The following NRG3 variants were observed in gnomAD, a reference collection of about 807,000 sequenced individuals.
NRG3 encodes neuregulin 3.
Under a neutral mutation model 66.9 loss-of-function variants are expected in NRG3, and 31 were observed. The observed-to-expected ratio is 0.46, with a 90% CI of 0.35 to 0.63. The LOEUF is 0.63. Ranked by LOEUF, NRG3 falls within the 20% of genes least tolerant of loss-of-function variation. The pLI is 0.00. For synonymous variants in NRG3, 393 were observed against 359.4 expected, an observed-to-expected ratio of 1.09 and a Z score of -1.06; for missense variants, 910 against 878.9, an observed-to-expected ratio of 1.04 and a Z score of -0.45.
intron 3 of NRG3, among the ~76,000 whole-genome samples, chr10:82,781,724 A>G (rs1045842014): frequency 1.1e-4 from 17 of 152,192 alleles, no homozygotes; most frequent in African/African-American, 3.9e-4. Context: ...AACTTTCTCC[A>G]TATTTGAACT....
At chr10:82,467,119 T>A (rs1840762149) in intron 2 of NRG3, among the ~76,000 whole-genome samples, 1 of 152,156 alleles carries the variant, frequency 6.6e-6, no homozygotes, top group African/African-American at 2.4e-5. Flanking sequence ...TGAGACAGCA[T>A]GTGAAGGAGC....
At chr10:82,978,730 G>A (rs1292227824) in intron 7 of NRG3, among the ~76,000 whole-genome samples, 4 of 152,176 alleles carry the variant, frequency 2.6e-5, no homozygotes, top group Admixed American at 6.5e-5. Context: ...CAGAAATCCA[G>A]GAACTTCCCT....
At chr10:82,964,791 C>A (rs1330157113) in intron 6 of NRG3, among the ~76,000 whole-genome samples, 4 of 152,166 alleles carry the variant, frequency 2.6e-5, no homozygotes, top group African/African-American at 7.2e-5. Flanking sequence ...CCAGACCAGG[C>A]GATTATCAGC....
chr10:82,845,887 G>C (rs368787281), intron 3 of NRG3, among the ~76,000 whole-genome samples: 2 of 152,136 alleles, frequency 1.3e-5, no homozygotes, highest in South Asian at 4.1e-4. Context: ...AGCACACTGA[G>C]AAGTGAGTAG....
At chr10:82,278,042 AG>A (rs2078940334) in intron 1 of NRG3, among the ~76,000 whole-genome samples, 1 of 152,098 alleles carries the variant, frequency 6.6e-6, no homozygotes, top group Non-Finnish European at 1.5e-5. Flanking sequence ...CCAAAGAAGG[AG>A]GAGGTGGAAT....
intron 2 of NRG3, among the ~76,000 whole-genome samples, chr10:82,593,850 A>G (rs542548767): frequency 6.6e-6 from 1 of 151,942 alleles, no homozygotes; most frequent in South Asian, 2.1e-4. Context: ...ATATGTGTAT[A>G]TATATAGTTC....
chr10:82,360,983 C>T (rs74147915), intron 2 of NRG3, among the ~76,000 whole-genome samples: 9,060 of 152,102 alleles, frequency 0.06, 426 homozygotes, highest in East Asian at 0.22. Context: ...TCCTCATTAC[C>T]TTATTTTAAC....
chr10:82,284,776 A>T (rs978459910), intron 1 of NRG3, among the ~76,000 whole-genome samples: 1 of 152,028 alleles, frequency 6.6e-6, no homozygotes, highest in Non-Finnish European at 1.5e-5. Context: ...TCACCTTAGG[A>T]TGTTTTGTAA....
At chr10:82,246,767 G>T (rs1233941723) in intron 1 of NRG3, among the ~76,000 whole-genome samples, 1 of 151,480 alleles carries the variant, frequency 6.6e-6, no homozygotes, top group South Asian at 2.1e-4. Context: ...TTTAGAAGGA[G>T]TTTTTTTTTC....
intron 3 of NRG3, among the ~76,000 whole-genome samples, chr10:82,817,997 A>G (rs2061785960): frequency 6.6e-6 from 1 of 152,220 alleles, no homozygotes; most frequent in Non-Finnish European, 1.5e-5. Flanking sequence ...CTTAAGCAGC[A>G]GTGTTTATGC....
At chr10:82,481,750 C>T (rs571417275) in intron 2 of NRG3, among the ~76,000 whole-genome samples, 3 of 152,042 alleles carry the variant, frequency 2.0e-5, no homozygotes, top group Admixed American at 6.6e-5. Flanking sequence ...TTTGGGAGGC[C>T]GAGGCAGGCG....
At chr10:82,744,197 G>A (rs1358583284) in intron 3 of NRG3, among the ~76,000 whole-genome samples, 1 of 152,172 alleles carries the variant, frequency 6.6e-6, no homozygotes, top group African/African-American at 2.4e-5. Flanking sequence ...TTAAGCATAT[G>A]TAACATATAC....
rs1554859740 is a variant in NRG3, at chr10:82,245,983, T to TTTTTG, written c.824-112752_824-112751insGTTTT. Reference sequence around the variant, plus strand: ...GATTTTTTCCCAGTCTTCTGGTTTTTTTTTTTTTTTTTTTTTTTAACTCAA... The same window carrying TTTTTG: ...GATTTTTTCCCAGTCTTCTGGTTTTTTTTTGTTTTTTTTTTTTTTTTTTAACTCAA... On this transcript the variant is annotated intron_variant, in intron 1 of 8. Transcript: ENST00000372141. Among the ~76,000 whole-genome samples, 999 of 144,644 alleles carry TTTTTG rather than the reference T, an allele frequency of 6.9e-3. 15 individuals are homozygous for TTTTTG. Among genetic ancestry groups the TTTTTG allele is most frequent in the African/African-American group, 0.023 (894 of 39,030 alleles). The allele number at this position is 144,644 out of a possible 152,430, so 94.9% of individuals were successfully genotyped here.
chr10:82,011,710 C>G (rs2061583291), intron 1 of NRG3, among the ~76,000 whole-genome samples: 1 of 152,180 alleles, frequency 6.6e-6, no homozygotes, highest in South Asian at 2.1e-4. Flanking sequence ...AGTCCCCATG[C>G]AAGTCTGAAA....
intron 1 of NRG3, among the ~76,000 whole-genome samples, chr10:82,260,730 T>C (rs11193235): frequency 0.42 from 63,530 of 151,896 alleles, 14,862 homozygotes; most frequent in African/African-American, 0.64. Flanking sequence ...AAAAAGGTAG[T>C]CTAAGCTGAG....
intron 3 of NRG3, among the ~76,000 whole-genome samples, chr10:82,803,191 C>T (rs76740918): frequency 0.03 from 4,585 of 152,190 alleles, 200 homozygotes; most frequent in African/African-American, 0.1. Context: ...GTAAAGGCAC[C>T]TGTGTTGAAT....
At chr10:82,689,318 T>C (rs137899639) in intron 2 of NRG3, among the ~76,000 whole-genome samples, 68 of 152,314 alleles carry the variant, frequency 4.5e-4, no homozygotes, top group African/African-American at 1.5e-3. Flanking sequence ...TAAAAATGAC[T>C]GTAACCTGGT....
chr10:82,073,613 T>C (rs1410222422), intron 1 of NRG3, among the ~76,000 whole-genome samples: 5 of 152,172 alleles, frequency 3.3e-5, no homozygotes. Context: ...TTCTCTTTTT[T>C]GCCATTTTCA....
At chr10:82,225,969 C>T (rs998912029) in intron 1 of NRG3, among the ~76,000 whole-genome samples, 2 of 151,990 alleles carry the variant, frequency 1.3e-5, no homozygotes, top group East Asian at 1.9e-4. Flanking sequence ...ATTTTCTTGT[C>T]GAGACTTGTA....
Sources: allele counts gnomAD v4.1 joint callset (sites outside exome capture counted in the v4.1 genomes callset), GRCh38; gene constraint gnomAD v4.1.1; transcripts MANE v1.5; gene names NCBI Gene and HGNC (gene_info 2026-07-23, HGNC 2026-07-21).